L3MBTL3: variants seen among roughly 807,000 people sequenced by gnomAD.
The protein encoded by L3MBTL3 is lethal(3)malignant brain tumor-like protein 3.
Under a neutral mutation model 102.3 loss-of-function variants are expected in L3MBTL3, and 27 were observed. The ratio of observed to expected loss-of-function variants is 0.26; its 90% CI spans 0.19 to 0.36. L3MBTL3 has a LOEUF of 0.36. Ranked by LOEUF, L3MBTL3 falls within the 10% of genes least tolerant of loss-of-function variation. The pLI is 1.00. For missense variants in L3MBTL3, 798 were observed against 955.3 expected, an observed-to-expected ratio of 0.84 and a Z score of 2.17; for synonymous variants, 340 against 320.9, an observed-to-expected ratio of 1.06 and a Z score of -0.64.
At chr6:130,089,553 A>C (rs1182574346) in intron 16 of L3MBTL3, among the ~76,000 whole-genome samples, 1 of 152,220 alleles carries the variant, frequency 6.6e-6, no homozygotes, top group African/African-American at 2.4e-5. Flanking sequence ...TTATAGTAGC[A>C]TAATTTATAA....
chr6:130,058,059 C>A (rs374892163), intron 9 of L3MBTL3, among the ~76,000 whole-genome samples: 1 of 144,170 alleles, frequency 6.9e-6, no homozygotes, highest in Admixed American at 7.2e-5. Context: ...AGGAGAATGG[C>A]GTGAACCCAG....
chr6:130,053,031 T>C, intron 7 of L3MBTL3, 40 bp downstream of exon 7: 2 of 1,470,556 alleles, frequency 1.4e-6, no homozygotes, highest in South Asian at 2.3e-5. Flanking sequence ...CAGGGATGCA[T>C]CTTTAGTGGG....
intron 14 of L3MBTL3, among the ~76,000 whole-genome samples, chr6:130,080,262 G>GA (rs35551443): frequency 0.46 from 64,603 of 139,142 alleles, 15,513 homozygotes; most frequent in African/African-American, 0.66. Flanking sequence ...CAAGAAAAAA[G>GA]AAAAAAAAAA....
rs1784879444 is a variant in L3MBTL3 at position 130,104,585 on chromosome 6, G to C, written c.1886+10G>C. ...CTTCCCCTGAAATCAGGTAATCAAA[G>C]AGCTAATATTAGCATTGTTTAGAAG... On this transcript the variant is annotated intron_variant, in intron 19 of 22. Transcript: ENST00000361794. The C allele has an allele frequency of 6.5e-7, 1 of 1,550,012 alleles. No individual in the cohort carries two copies. The highest frequency in any genetic ancestry group is 2.1e-5 in the Admixed American group (1 of 47,426).
chr6:130,139,771 T>C lies in L3MBTL3; in HGVS notation c.*18T>C, dbSNP rs1788105986. ...AACTTTGAAGATGGTGAATTCTGAA[T>C]ACCATCAGCATTCTGCTTTAAAGCT... On this transcript the variant is annotated 3_prime_UTR_variant, in exon 23 of 23. Transcript: ENST00000361794. The C allele has an allele frequency of 6.2e-7, 1 of 1,608,154 alleles. No homozygotes were observed. The highest frequency in any genetic ancestry group is 1.7e-5 in the Admixed American group (1 of 59,964).
At chr6:130,054,753 T>C (rs188824176) in intron 7 of L3MBTL3, among the ~76,000 whole-genome samples, 4 of 152,080 alleles carry the variant, frequency 2.6e-5, no homozygotes, top group Admixed American at 2.6e-4. Flanking sequence ...AGGGTGTGGA[T>C]TGGGAGTATC....
chr6:130,089,501 A>G (rs903656401), intron 16 of L3MBTL3, among the ~76,000 whole-genome samples: 2 of 152,002 alleles, frequency 1.3e-5, no homozygotes, highest in South Asian at 2.1e-4. Flanking sequence ...GGTCTTTGCT[A>G]TTGTGAATAG....
At chr6:130,051,664 C>T (rs1781099202) in intron 6 of L3MBTL3, among the ~76,000 whole-genome samples, 1 of 152,164 alleles carries the variant, frequency 6.6e-6, no homozygotes, top group African/African-American at 2.4e-5. Flanking sequence ...CTTCCATTTC[C>T]ATTCATTTGA....
intron 10 of L3MBTL3, among the ~76,000 whole-genome samples, chr6:130,061,647 C>G (rs1781909527): frequency 6.6e-6 from 1 of 152,014 alleles, no homozygotes. Flanking sequence ...TTCCTGGACT[C>G]AAGTTTTTGT....
At chr6:130,098,195 A>G (rs938127023) in intron 18 of L3MBTL3, among the ~76,000 whole-genome samples, 1 of 152,240 alleles carries the variant, frequency 6.6e-6, no homozygotes, top group Non-Finnish European at 1.5e-5. Flanking sequence ...CCTAAAGGAT[A>G]TTAATGAAGT....
chr6:130,069,597 T>C (rs1270808870), intron 12 of L3MBTL3, among the ~76,000 whole-genome samples: 1 of 152,212 alleles, frequency 6.6e-6, no homozygotes, highest in African/African-American at 2.4e-5. Flanking sequence ...CAGTGCATTG[T>C]CAGTTGGTAT....
In L3MBTL3 at chr6:130,051,295, G is replaced by A; in HGVS notation, c.336G>A (p.Val112=). Residue 112 remains valine, a synonymous_variant, in exon 6 of 23, where the codon GTG becomes GTA. Transcript: ENST00000361794. ...TGMPFRLKDP[V]KVEGLQFCEN... Reference sequence around the variant, plus strand: ...TGCCTTTCAGGTTGAAGGATCCAGTGAAAGTAGAAGGGCTTCAGTTCTGTG... The same window carrying A: ...TGCCTTTCAGGTTGAAGGATCCAGTAAAAGTAGAAGGGCTTCAGTTCTGTG... 6.2e-7 allele frequency: 1 copy of A among 1,614,016 alleles called. No individual in the cohort carries two copies. The highest frequency in any genetic ancestry group is 1.1e-5 in the South Asian group (1 of 91,068).
intron 2 of L3MBTL3, among the ~76,000 whole-genome samples, chr6:130,028,911 G>T (rs114050662): frequency 0.012 from 1,880 of 152,264 alleles, 41 homozygotes; most frequent in African/African-American, 0.043. Flanking sequence ...CTAGTTGTTA[G>T]AATTTTCACT....
rs1782405416 is a variant in L3MBTL3, at chr6:130,068,381, C to G, written c.1052C>G (p.Ala351Gly). The G allele has an allele frequency of 3.7e-6, 6 of 1,604,646 alleles. No individual in the cohort carries two copies. In the South Asian group the frequency reaches 5.5e-5, roughly 15 times the overall value. Residue 351 changes from alanine (A) to glycine (G), a missense_variant, in exon 12 of 23, where the codon GCT becomes GGT. This residue lies in a region of L3MBTL3 where 434 missense variants were observed against 506.6 expected (regional missense o/e 0.86). Transcript: ENST00000361794. ...CAGACCTATCTTAAGACATGTAAAG[C>G]TCAAGCTGCTCCTAAGTCATTATTT... ...NWQTYLKTCK[A>G]QAAPKSLFEN...
In L3MBTL3 at chr6:130,086,314, T is replaced by G. The variant is rs1055811988; in HGVS notation, c.1518+64T>G. On this transcript the variant is annotated intron_variant, in intron 16 of 22. Coordinates refer to ENST00000361794, the MANE Select transcript of L3MBTL3 (RefSeq NM_032438.4). ...TATAAGATGTTTTAGATAAAAACTT[T>G]GGTAGATACTTAACTTGTGAAGTCC... is the stretch of plus-strand genomic sequence containing the variant. 8.4e-6 allele frequency: 9 copies of G among 1,065,574 alleles called. No individual in the cohort carries two copies. The South Asian group carries it at 1.2e-4, about 15-fold the overall frequency. The allele number at this position is 1,065,574 out of a possible 1,614,324, so 66.0% of individuals were successfully genotyped here.
At chr6:130,021,150 A>C (rs1056127048) in intron 1 of L3MBTL3, among the ~76,000 whole-genome samples, 6 of 152,186 alleles carry the variant, frequency 3.9e-5, no homozygotes, top group African/African-American at 1.4e-4. Flanking sequence ...TGACTCGAGT[A>C]GAGAGCATTT....
At chr6:130,084,875 G>T (rs1055776886) in intron 15 of L3MBTL3, among the ~76,000 whole-genome samples, 3 of 152,118 alleles carry the variant, frequency 2.0e-5, no homozygotes, top group African/African-American at 7.2e-5. Context: ...TGTTGCCCAG[G>T]CTGGAGTGCA....
At chr6:130,092,640 T>C (rs1179797877) in intron 16 of L3MBTL3, 105 bp from the exon 17 acceptor site, 9 of 635,312 alleles carry the variant, frequency 1.4e-5, no homozygotes, top group Non-Finnish European at 2.5e-5. Context: ...GGGTTTTAAA[T>C]CTACTGTATG....
At chr6:130,060,902 T>C (rs1184434826) in intron 10 of L3MBTL3, among the ~76,000 whole-genome samples, 1 of 152,024 alleles carries the variant, frequency 6.6e-6, no homozygotes, top group East Asian at 1.9e-4. Flanking sequence ...AATAGTCTTG[T>C]GTACTAGTTT....
Sources: gnomAD v4.1 joint callset for allele counts (sites outside exome capture counted in the v4.1 genomes callset) on GRCh38, gnomAD v4.1.1 for gene constraint, gnomAD v4.1.1 regional missense constraint, MANE v1.5 for transcripts, NCBI Gene and HGNC (gene_info 2026-07-23, HGNC 2026-07-21) for gene names.